The following ENTREP2 variants were observed in gnomAD, a reference collection of about 807,000 sequenced individuals.
ENTREP2 encodes the protein endosomal transmembrane epsin interactor 2.
the ENTREP2 span, among the ~76,000 whole-genome samples, chr15:29,547,090 A>ATT: frequency 2.2e-4 from 31 of 141,974 alleles, no homozygotes; most frequent in African/African-American, 7.5e-4. Flanking sequence ...TATTGACTCA[A>ATT]TTTTTTTTTT....
the ENTREP2 span, among the ~76,000 whole-genome samples, chr15:29,607,694 A>G: frequency 6.6e-6 from 1 of 152,114 alleles, no homozygotes; most frequent in African/African-American, 2.4e-5. Flanking sequence ...ATAGGATTGA[A>G]CTTGATACTC....
chr15:29,392,631 G>T, the ENTREP2 span, among the ~76,000 whole-genome samples: 1 of 152,132 alleles, frequency 6.6e-6, no homozygotes, highest in South Asian at 2.1e-4. Flanking sequence ...CTTTTTGCCT[G>T]GTATGTTAGG....
the ENTREP2 span, among the ~76,000 whole-genome samples, chr15:29,529,681 A>C: frequency 6.6e-6 from 1 of 152,202 alleles, no homozygotes; most frequent in Non-Finnish European, 1.5e-5. Context: ...ATACAGAATA[A>C]AAGGGCACAA....
chr15:29,552,664 A>G, the ENTREP2 span, among the ~76,000 whole-genome samples: 2 of 152,214 alleles, frequency 1.3e-5, no homozygotes, highest in African/African-American at 4.8e-5. Context: ...AACATCTATG[A>G]TAACAATAGA....
chr15:29,433,141 G>GT, the ENTREP2 span, among the ~76,000 whole-genome samples: 40 of 152,306 alleles, frequency 2.6e-4, no homozygotes, highest in Non-Finnish European at 4.7e-4. Context: ...GGCACTCTGT[G>GT]TACTGGACCC....
the ENTREP2 span, among the ~76,000 whole-genome samples, chr15:29,512,999 C>T: frequency 6.6e-6 from 1 of 152,174 alleles, no homozygotes; most frequent in African/African-American, 2.4e-5. Flanking sequence ...TCTTTCTTTT[C>T]TCTGAAATCT....
chr15:29,433,935 G>A, the ENTREP2 span, among the ~76,000 whole-genome samples: 1 of 152,052 alleles, frequency 6.6e-6, no homozygotes, highest in African/African-American at 2.4e-5. Context: ...CTATTCCCAT[G>A]CCCTGCTTCT....
the ENTREP2 span, among the ~76,000 whole-genome samples, chr15:29,329,435 C>T: frequency 1.6e-4 from 24 of 151,896 alleles, no homozygotes; most frequent in Non-Finnish European, 2.5e-4. Flanking sequence ...CATGATTGAC[C>T]GCACCTAACT....
At chr15:29,596,144 G>A in the ENTREP2 span, among the ~76,000 whole-genome samples, 1 of 152,162 alleles carries the variant, frequency 6.6e-6, no homozygotes, top group African/African-American at 2.4e-5. Flanking sequence ...TATTAGGTTT[G>A]TGCAAAAGTA....
At chr15:29,127,413 T>C in the ENTREP2 span, among the ~76,000 whole-genome samples, 1 of 152,176 alleles carries the variant, frequency 6.6e-6, no homozygotes, top group Non-Finnish European at 1.5e-5. Flanking sequence ...GGTCTGTTCC[T>C]GCCATCCCTT....
the ENTREP2 span, among the ~76,000 whole-genome samples, chr15:29,537,572 C>A: frequency 6.6e-6 from 1 of 152,194 alleles, no homozygotes; most frequent in Non-Finnish European, 1.5e-5. Context: ...TGGCCCAGGG[C>A]CCCACCATCT....
At chr15:29,654,449 G>A in the ENTREP2 span, among the ~76,000 whole-genome samples, 1 of 152,156 alleles carries the variant, frequency 6.6e-6, no homozygotes, top group Non-Finnish European at 1.5e-5. Context: ...TTGACAGAAA[G>A]ATTTCATATA....
At chr15:29,619,575 C>T in the ENTREP2 span, among the ~76,000 whole-genome samples, 940 of 152,092 alleles carry the variant, frequency 6.2e-3, 23 homozygotes, top group African/African-American at 0.022. Flanking sequence ...TTATCCAGTG[C>T]CTCTAGAGGG....
At chr15:29,555,844 C>A in the ENTREP2 span, among the ~76,000 whole-genome samples, 3 of 152,226 alleles carry the variant, frequency 2.0e-5, no homozygotes, top group Non-Finnish European at 4.4e-5. Context: ...AGACACACTC[C>A]TGTGCACAAA....
the ENTREP2 span, among the ~76,000 whole-genome samples, chr15:29,565,251 G>A: frequency 3.9e-5 from 6 of 152,132 alleles, no homozygotes; most frequent in African/African-American, 1.4e-4. Context: ...GCTGCAAGAG[G>A]ACAGAAAAAG....
the ENTREP2 span, among the ~76,000 whole-genome samples, chr15:29,458,824 A>C: frequency 5.3e-5 from 8 of 152,196 alleles, no homozygotes; most frequent in Non-Finnish European, 7.3e-5. Flanking sequence ...CTCTTCAGGA[A>C]ACCATTCCCT....
At chr15:29,354,720 A>G in the ENTREP2 span, among the ~76,000 whole-genome samples, 1 of 152,190 alleles carries the variant, frequency 6.6e-6, no homozygotes, top group East Asian at 1.9e-4. Context: ...GACCAGAAGG[A>G]AACACACCAA....
At chr15:29,295,142 T>C in the ENTREP2 span, among the ~76,000 whole-genome samples, 1 of 152,232 alleles carries the variant, frequency 6.6e-6, no homozygotes, top group African/African-American at 2.4e-5. Context: ...ACTTCGTGAA[T>C]GTGCTTATTC....
the ENTREP2 span, among the ~76,000 whole-genome samples, chr15:29,463,530 C>T: frequency 2.0e-3 from 124 of 61,730 alleles, no homozygotes; most frequent in African/African-American, 3.9e-3. Context: ...TTTAAAAATG[C>T]ACAGATGAGA....
Sources: gnomAD v4.1 joint callset for allele counts (sites outside exome capture counted in the v4.1 genomes callset) on GRCh38, gnomAD v4.1.1 for gene constraint, MANE v1.5 for transcripts, NCBI Gene and HGNC (gene_info 2026-07-23, HGNC 2026-07-21) for gene names.